Variants in PGCKA1 observed in about 807,000 individuals in gnomAD.
PGCKA1 encodes PDCD10 and GCKIII kinases associated 1, also known as PDCD10 and GCKIII kinases-associated protein 1.
chr4:37,495,192 G>A, the PGCKA1 span, among the ~76,000 whole-genome samples: 49 of 152,064 alleles, frequency 3.2e-4, no homozygotes, highest in Non-Finnish European at 6.2e-4. Context: ...ACCATCTCAC[G>A]CCAGTTAGAA....
chr4:37,548,022 A>AGG, the PGCKA1 span, among the ~76,000 whole-genome samples: 8 of 145,644 alleles, frequency 5.5e-5, no homozygotes, highest in East Asian at 6.2e-4. Context: ...GGAAAAAAAA[A>AGG]GGGGGGGAGG....
At chr4:37,551,561 G>T in the PGCKA1 span, among the ~76,000 whole-genome samples, 2 of 152,180 alleles carry the variant, frequency 1.3e-5, no homozygotes, top group African/African-American at 4.8e-5. Flanking sequence ...CTACTTGCTA[G>T]CAGCTGAAAG....
At chr4:37,515,453 C>T in the PGCKA1 span, among the ~76,000 whole-genome samples, 1 of 152,226 alleles carries the variant, frequency 6.6e-6, no homozygotes, top group African/African-American at 2.4e-5. Context: ...AGAGCATCAA[C>T]ATCACATTGC....
At chr4:37,572,060 TTTC>T in the PGCKA1 span, among the ~76,000 whole-genome samples, 8 of 118,688 alleles carry the variant, frequency 6.7e-5, no homozygotes, top group South Asian at 3.4e-4. Flanking sequence ...TTTTTTTTTT[TTTC>T]TTTTTTTTTT....
chr4:37,480,103 A>G, the PGCKA1 span, among the ~76,000 whole-genome samples: 1 of 152,262 alleles, frequency 6.6e-6, no homozygotes, highest in Admixed American at 6.5e-5. Context: ...TTGGCAGTGC[A>G]TTAGAAATGA....
the PGCKA1 span, among the ~76,000 whole-genome samples, chr4:37,542,225 T>C: frequency 6.6e-6 from 1 of 152,128 alleles, no homozygotes; most frequent in Admixed American, 6.5e-5. Flanking sequence ...ACCAGGTGCA[T>C]TTACCCTGCA....
chr4:37,516,529 C>T, the PGCKA1 span, among the ~76,000 whole-genome samples: 1 of 152,120 alleles, frequency 6.6e-6, no homozygotes. Context: ...AGTAGGAGTT[C>T]TAATCCTTCT....
chr4:37,575,194 G>A, the PGCKA1 span, among the ~76,000 whole-genome samples: 2 of 151,934 alleles, frequency 1.3e-5, no homozygotes, highest in African/African-American at 2.4e-5. Context: ...CATAGTGGTT[G>A]TACTAATTTA....
At chr4:37,554,332 A>T in the PGCKA1 span, among the ~76,000 whole-genome samples, 1 of 150,452 alleles carries the variant, frequency 6.6e-6, no homozygotes, top group Non-Finnish European at 1.5e-5. Flanking sequence ...CAAAGAGCTT[A>T]AAGATCCTTT....
chr4:37,509,276 T>A, the PGCKA1 span, among the ~76,000 whole-genome samples: 1 of 105,106 alleles, frequency 9.5e-6, no homozygotes, highest in Non-Finnish European at 2.1e-5. Flanking sequence ...GCCCCCCACC[T>A]CCCAGACAGG....
the PGCKA1 span, among the ~76,000 whole-genome samples, chr4:37,535,297 G>A: frequency 6.6e-6 from 1 of 152,202 alleles, no homozygotes; most frequent in East Asian, 1.9e-4. Context: ...CAAGGCGGGA[G>A]GATTGCTTTA....
the PGCKA1 span, among the ~76,000 whole-genome samples, chr4:37,517,633 T>G: frequency 6.6e-6 from 1 of 152,274 alleles, no homozygotes; most frequent in African/African-American, 2.4e-5. Context: ...TTTTTAATTT[T>G]TTGTGGGTAC....
At chr4:37,564,673 T>A in the PGCKA1 span, among the ~76,000 whole-genome samples, 137,642 of 151,832 alleles carry the variant, frequency 0.91, 62,565 homozygotes, top group Non-Finnish European at 0.94. Flanking sequence ...TGACCAGCTA[T>A]TTTTTGTATT....
the PGCKA1 span, among the ~76,000 whole-genome samples, chr4:37,533,267 T>G: frequency 6.6e-6 from 1 of 152,096 alleles, no homozygotes; most frequent in Non-Finnish European, 1.5e-5. Context: ...AAGAAAACAT[T>G]AAGGATTGAA....
the PGCKA1 span, among the ~76,000 whole-genome samples, chr4:37,569,510 G>A: frequency 1.3e-5 from 2 of 151,992 alleles, no homozygotes; most frequent in African/African-American, 2.4e-5. Flanking sequence ...CGAGGAGGTG[G>A]ATTTCTTATA....
the PGCKA1 span, among the ~76,000 whole-genome samples, chr4:37,462,589 A>G: frequency 1.3e-5 from 2 of 152,124 alleles, no homozygotes; most frequent in Non-Finnish European, 2.9e-5. Flanking sequence ...TGATTTTCTT[A>G]TTTTATTGAA....
chr4:37,509,287 GCGGC>G, the PGCKA1 span, among the ~76,000 whole-genome samples: 1 of 133,346 alleles, frequency 7.5e-6, no homozygotes, highest in Non-Finnish European at 1.6e-5. Flanking sequence ...CCCAGACAGG[GCGGC>G]TGCTGGGCGG....
the PGCKA1 span, among the ~76,000 whole-genome samples, chr4:37,569,979 CT>C: frequency 0.11 from 13,482 of 118,888 alleles, 595 homozygotes; most frequent in Middle Eastern, 0.29. Context: ...GCATATAATC[CT>C]TTTTTTTTTT....
the PGCKA1 span, among the ~76,000 whole-genome samples, chr4:37,531,130 A>G: frequency 2.0e-5 from 3 of 152,232 alleles, no homozygotes; most frequent in Non-Finnish European, 4.4e-5. Flanking sequence ...ATTGACATCT[A>G]CTTTATCTGA....
Sources: allele counts gnomAD v4.1 joint callset (sites outside exome capture counted in the v4.1 genomes callset), GRCh38; gene constraint gnomAD v4.1.1; transcripts MANE v1.5; gene names NCBI Gene and HGNC (gene_info 2026-07-23, HGNC 2026-07-21).